ZNF644: variants seen among roughly 807,000 people sequenced by gnomAD.
ZNF644 encodes the protein zinc finger motif enhancer binding protein 2.
A neutral mutation model predicts 108.0 loss-of-function variants in ZNF644; 20 were observed. That is an observed-to-expected ratio of 0.19 (90% CI 0.13 to 0.27). The LOEUF (loss-of-function observed/expected upper bound fraction) is 0.27. Ranked by LOEUF, ZNF644 falls within the 10% of genes least tolerant of loss-of-function variation. ZNF644 has a pLI of 1.00. For missense variants in ZNF644, 1,338 were observed against 1,548.9 expected (o/e 0.86, Z 2.29); for synonymous variants, 542 against 539.1 (o/e 1.01, Z -0.08).
At chr1:90,917,988 T>C (rs547241016) in intron 5 of ZNF644, 64 bp downstream of exon 5, 13 of 1,328,000 alleles carry the variant, frequency 9.8e-6, no homozygotes, top group Non-Finnish European at 1.3e-5. Flanking sequence ...CCAAATGAAA[T>C]AGCTAATATG....
intron 2 of ZNF644, among the ~76,000 whole-genome samples, chr1:90,966,512 G>T (rs1301934130): frequency 6.6e-6 from 1 of 152,084 alleles, no homozygotes; most frequent in East Asian, 1.9e-4. Context: ...CACTTTGGGA[G>T]GCTAAGGCAG....
chr1:90,920,606 G>A (rs993470634), intron 4 of ZNF644, among the ~76,000 whole-genome samples: 8 of 151,848 alleles, frequency 5.3e-5, no homozygotes, highest in African/African-American at 1.9e-4. Context: ...CTTAAGTTTA[G>A]GCTGTTTTAT....
intron 4 of ZNF644, among the ~76,000 whole-genome samples, chr1:90,920,263 T>C (rs1045226878): frequency 6.6e-6 from 1 of 151,962 alleles, no homozygotes; most frequent in African/African-American, 2.4e-5. Flanking sequence ...GTTGTCAAAA[T>C]TGCCACACTG....
chr1:90,999,879 G>A (rs1483589655), intron 1 of ZNF644, among the ~76,000 whole-genome samples: 1 of 152,096 alleles, frequency 6.6e-6, no homozygotes, highest in Non-Finnish European at 1.5e-5. Flanking sequence ...AAAGGCAGGG[G>A]TTGCAATCCT....
chr1:91,017,641 A>G (rs1341695833), intron 1 of ZNF644, among the ~76,000 whole-genome samples: 4 of 152,186 alleles, frequency 2.6e-5, no homozygotes, highest in Non-Finnish European at 4.4e-5. Context: ...CCATAATCAC[A>G]TAAGAGTTCC....
intron 4 of ZNF644, among the ~76,000 whole-genome samples, chr1:90,931,626 A>G (rs573510541): frequency 2.8e-4 from 43 of 152,254 alleles, no homozygotes; most frequent in Non-Finnish European, 5.7e-4. Context: ...GTTCTGGGCA[A>G]AACTTTAATC....
chr1:90,991,093 T>C (rs1657589559), intron 1 of ZNF644, among the ~76,000 whole-genome samples: 2 of 152,172 alleles, frequency 1.3e-5, no homozygotes, highest in Non-Finnish European at 2.9e-5. Context: ...ACACCTTCAA[T>C]AATAAAACAA....
At position 90,938,465 on chromosome 1, in the gene ZNF644, T is replaced by C. The variant is rs148539690; in HGVS notation, c.2889A>G (p.Lys963=). Residue 963 remains lysine (K), a synonymous_variant, in exon 3 of 6, where the codon AAA becomes AAG. Coordinates refer to ENST00000337393, the MANE Select transcript of ZNF644 (RefSeq NM_201269.3). The surrounding 1 kb of genome is among the most constrained non-coding windows in gnomAD (Gnocchi z 4.2). ...FHWTDLSLEK[K]SCPYCPATFE... ...ATGTTGCTGGGCAGTAAGGACACGATTTCTTCTCAAGAGACAAATCAGTCC... is the reference window on the plus strand; with the variant it reads ...ATGTTGCTGGGCAGTAAGGACACGACTTCTTCTCAAGAGACAAATCAGTCC... The C allele has an allele frequency of 2.5e-5, 40 of 1,613,870 alleles. No homozygotes were observed. The highest frequency in any genetic ancestry group is 3.3e-5 in the Non-Finnish European group (39 of 1,179,930).
chr1:90,941,710 T>C (rs908900512), intron 2 of ZNF644, among the ~76,000 whole-genome samples: 1 of 152,150 alleles, frequency 6.6e-6, no homozygotes, highest in African/African-American at 2.4e-5. Context: ...ATTCTTTCAC[T>C]TAAGTAGGTT....
At chr1:90,988,417 T>G (rs1034024692) in intron 1 of ZNF644, among the ~76,000 whole-genome samples, 1 of 152,136 alleles carries the variant, frequency 6.6e-6, no homozygotes, top group African/African-American at 2.4e-5. Flanking sequence ...GGAAACACAC[T>G]GTACCCACAG....
chr1:91,002,114 T>G (rs1010042201), intron 1 of ZNF644, among the ~76,000 whole-genome samples: 13 of 152,156 alleles, frequency 8.5e-5, no homozygotes, highest in African/African-American at 2.4e-4. Flanking sequence ...CAAGGTAATT[T>G]ATAGATTCAA....
rs184113395 is a variant in ZNF644 at position 90,952,820 on chromosome 1, A to G, written c.45-11511T>C. On this transcript the variant is annotated intron_variant, in intron 2 of 5. Coordinates refer to ENST00000337393, the MANE Select transcript of ZNF644 (RefSeq NM_201269.3). ...CAATACTTCTGAGATAATCGCTGAG[A>G]ATTTTGTAAAACTGACAAAACACAT... Among the ~76,000 whole-genome samples, 415 of 152,230 alleles carry G rather than the reference A, an allele frequency of 2.7e-3. 1 individual carries two copies. The highest frequency in any genetic ancestry group is 9.8e-3 in the African/African-American group (407 of 41,562).
At chr1:90,971,054 C>T (rs78303341) in intron 2 of ZNF644, among the ~76,000 whole-genome samples, 17,064 of 145,628 alleles carry the variant, frequency 0.12, 1,042 homozygotes, top group South Asian at 0.16. Context: ...TATAAATATA[C>T]ACTGTAGTAT....
intron 2 of ZNF644, among the ~76,000 whole-genome samples, chr1:90,976,955 A>C (rs1333754195): frequency 6.6e-6 from 1 of 152,152 alleles, no homozygotes; most frequent in Admixed American, 6.5e-5. Flanking sequence ...AACTCAGAGA[A>C]ATCCATCACA....
At chr1:90,998,061 G>C (rs1194611682) in intron 1 of ZNF644, among the ~76,000 whole-genome samples, 3 of 152,300 alleles carry the variant, frequency 2.0e-5, no homozygotes, top group Admixed American at 1.3e-4. Context: ...GCTCGAACTG[G>C]GGGGAGCCCA....
intron 1 of ZNF644, among the ~76,000 whole-genome samples, chr1:90,983,501 AG>A (rs1216206485): frequency 8.8e-4 from 133 of 150,474 alleles, no homozygotes; most frequent in African/African-American, 3.1e-3. Context: ...AAAAAAAAAA[AG>A]AAGAAGTCTT....
At chr1:90,969,877 T>TAGTATA in intron 2 of ZNF644, among the ~76,000 whole-genome samples, 1 of 152,178 alleles carries the variant, frequency 6.6e-6, no homozygotes, top group Non-Finnish European at 1.5e-5. Flanking sequence ...ATTAGGTAGG[T>TAGTATA]CTACTGTAGA....
chr1:90,919,544 T>C (rs574690688), intron 4 of ZNF644, among the ~76,000 whole-genome samples: 2 of 152,270 alleles, frequency 1.3e-5, no homozygotes, highest in South Asian at 4.1e-4. Context: ...TTCAGCTTCC[T>C]GTCACCTGCC....
chr1:90,950,460 G>T (rs1653028264), intron 2 of ZNF644, among the ~76,000 whole-genome samples: 1 of 151,262 alleles, frequency 6.6e-6, no homozygotes, highest in African/African-American at 2.4e-5. Context: ...TTTCTTTATT[G>T]AAAACATACT....
Sources: gnomAD v4.1 joint callset for allele counts (sites outside exome capture counted in the v4.1 genomes callset) on GRCh38, gnomAD v4.1.1 for gene constraint, Gnocchi (gnomAD v3.1) non-coding constraint, MANE v1.5 for transcripts, NCBI Gene and HGNC (gene_info 2026-07-23, HGNC 2026-07-21) for gene names.